The following IQCM variants were observed in gnomAD, a reference collection of about 807,000 sequenced individuals.
IQCM encodes IQ domain-containing protein M.
In IQCM, 45 loss-of-function variants were observed where a neutral mutation model predicts 57.6. That is an observed-to-expected ratio of 0.78 (90% CI 0.62 to 1.00). IQCM has a LOEUF of 1.00. Ranked by LOEUF, IQCM falls within the 50% of genes least tolerant of loss-of-function variation. IQCM has a pLI of 0.00. For missense variants in IQCM, 468 were observed against 511.6 expected (o/e 0.91, Z 0.82); for synonymous variants, 148 against 158.9 (o/e 0.93, Z 0.51).
intron 12 of IQCM, among the ~76,000 whole-genome samples, chr4:149,490,400 C>T (rs1741970236): frequency 6.6e-6 from 1 of 151,930 alleles, no homozygotes; most frequent in South Asian, 2.1e-4. Context: ...AGTCTTGTAT[C>T]TCAAATATAG....
intron 7 of IQCM, among the ~76,000 whole-genome samples, chr4:149,643,077 C>T (rs1758339447): frequency 6.6e-6 from 1 of 151,998 alleles, no homozygotes; most frequent in Non-Finnish European, 1.5e-5. Flanking sequence ...ACCGCAGTTA[C>T]ATTCAACCAA....
At chr4:149,515,395 C>A (rs2149816939) in intron 12 of IQCM, among the ~76,000 whole-genome samples, 1 of 152,230 alleles carries the variant, frequency 6.6e-6, no homozygotes. Context: ...TGGGCTTGAG[C>A]AGGTCCTGAA....
intron 9 of IQCM, among the ~76,000 whole-genome samples, chr4:149,569,523 A>ATATTAT (rs1452359993): frequency 1.3e-5 from 2 of 152,202 alleles, no homozygotes; most frequent in Admixed American, 6.5e-5. Context: ...ATTTTTGCTA[A>ATATTAT]ACATATATTA....
intron 9 of IQCM, among the ~76,000 whole-genome samples, chr4:149,584,924 C>T (rs1202045888): frequency 1.3e-5 from 2 of 151,708 alleles, no homozygotes; most frequent in Non-Finnish European, 2.9e-5. Flanking sequence ...AGTGCTGCTG[C>T]AGCATTTTTT....
intron 12 of IQCM, among the ~76,000 whole-genome samples, chr4:149,464,355 C>A (rs946016633): frequency 6.6e-6 from 1 of 152,142 alleles, no homozygotes; most frequent in Non-Finnish European, 1.5e-5. Context: ...GGATTCAGAT[C>A]CTTCCTATCC....
rs143796120 is a variant in IQCM at position 149,642,114 on chromosome 4, G to A, written c.566-20870C>T. Among the ~76,000 whole-genome samples the A allele has an allele frequency of 3.4e-3, 511 of 152,212 alleles. 11 individuals are homozygous for A. Among genetic ancestry groups the A allele is most frequent in the Admixed American group, 0.029 (450 of 15,290 alleles). ...GGAGAGTTGCTTTATAGGGCTGATAGTTTAACTAATTAATATGACATTTAA... is the reference window on the plus strand; with the variant it reads ...GGAGAGTTGCTTTATAGGGCTGATAATTTAACTAATTAATATGACATTTAA... On this transcript the variant is annotated intron_variant, in intron 7 of 13. Transcript: ENST00000636793.
chr4:149,714,256 C>G (rs901187805), intron 5 of IQCM, among the ~76,000 whole-genome samples: 1 of 152,114 alleles, frequency 6.6e-6, no homozygotes, highest in African/African-American at 2.4e-5. Flanking sequence ...TTTTTTCTTC[C>G]TCACTTGCTG....
intron 7 of IQCM, among the ~76,000 whole-genome samples, chr4:149,671,455 G>GT (rs562417465): frequency 1.3e-5 from 2 of 152,114 alleles, no homozygotes; most frequent in South Asian, 2.1e-4. Flanking sequence ...ATTTTGAAGG[G>GT]TTTTTTTGTG....
intron 5 of IQCM, among the ~76,000 whole-genome samples, chr4:149,722,350 T>G (rs2149857865): frequency 6.6e-6 from 1 of 152,226 alleles, no homozygotes; most frequent in South Asian, 2.1e-4. Flanking sequence ...TTTGAGAATT[T>G]ACTCATAAAT....
intron 8 of IQCM, among the ~76,000 whole-genome samples, chr4:149,620,156 C>CA (rs1756203639): frequency 7.3e-6 from 1 of 137,384 alleles, no homozygotes; most frequent in Non-Finnish European, 1.6e-5. Flanking sequence ...GACTCCGTCT[C>CA]AAAAACAAAA....
At chr4:149,363,432 G>T (rs1729628184) in intron 13 of IQCM, among the ~76,000 whole-genome samples, 1 of 152,138 alleles carries the variant, frequency 6.6e-6, no homozygotes, top group Non-Finnish European at 1.5e-5. Flanking sequence ...AGAATTTGTA[G>T]AATTTATTGC....
intron 13 of IQCM, among the ~76,000 whole-genome samples, chr4:149,365,136 C>T (rs1454997729): frequency 6.6e-6 from 1 of 152,062 alleles, no homozygotes; most frequent in Non-Finnish European, 1.5e-5. Flanking sequence ...AAACATGATT[C>T]CTTGGATAAA....
intron 12 of IQCM, among the ~76,000 whole-genome samples, chr4:149,470,908 C>A (rs1231106909): frequency 6.6e-6 from 1 of 152,126 alleles, no homozygotes; most frequent in Non-Finnish European, 1.5e-5. Flanking sequence ...TAAAGATGTT[C>A]TTTGAAATTA....
chr4:149,790,691 T>C (rs1561278733), intron 2 of IQCM, among the ~76,000 whole-genome samples: 1 of 152,210 alleles, frequency 6.6e-6, no homozygotes, highest in African/African-American at 2.4e-5. Flanking sequence ...ACAACCAAGC[T>C]GTAACCAGGT....
chr4:149,498,786 G>A (rs909065832), intron 12 of IQCM, among the ~76,000 whole-genome samples: 1 of 152,180 alleles, frequency 6.6e-6, no homozygotes, highest in Non-Finnish European at 1.5e-5. Flanking sequence ...ACAGGTGAGT[G>A]AAGGAACACA....
At chr4:149,570,288 T>C (rs998242743) in intron 9 of IQCM, among the ~76,000 whole-genome samples, 2 of 152,084 alleles carry the variant, frequency 1.3e-5, no homozygotes, top group African/African-American at 4.8e-5. Flanking sequence ...CACTTTCCAT[T>C]TTAATATATA....
chr4:149,710,718 C>T (rs1764496234), intron 5 of IQCM, among the ~76,000 whole-genome samples: 1 of 152,072 alleles, frequency 6.6e-6, no homozygotes, highest in South Asian at 2.1e-4. Context: ...ACTAGCAAAA[C>T]TATATTTGTT....
chr4:149,442,174 C>G (rs867484037), intron 12 of IQCM, among the ~76,000 whole-genome samples: 8 of 152,104 alleles, frequency 5.3e-5, no homozygotes, highest in Non-Finnish European at 8.8e-5. Context: ...TTTCAAAGAG[C>G]CTTTGTGTGA....
At chr4:149,672,884 C>T (rs1222808314) in intron 7 of IQCM, among the ~76,000 whole-genome samples, 4 of 152,122 alleles carry the variant, frequency 2.6e-5, no homozygotes, top group Non-Finnish European at 1.5e-5. Flanking sequence ...AGAGAAAGGT[C>T]GGGTTACCCA....
Sources: allele counts gnomAD v4.1 joint callset (sites outside exome capture counted in the v4.1 genomes callset), GRCh38; gene constraint gnomAD v4.1.1; transcripts MANE v1.5; gene names NCBI Gene and HGNC (gene_info 2026-07-23, HGNC 2026-07-21).